Variants in TENM4 observed in about 807,000 individuals in gnomAD.
The protein encoded by TENM4 is teneurin transmembrane protein 4, also known as teneurin-4.
Under a neutral mutation model 243.3 loss-of-function variants are expected in TENM4, and 82 were observed. The observed-to-expected ratio is 0.34, with a 90% CI of 0.28 to 0.40. TENM4 has a LOEUF of 0.40. Among genes scored for constraint, TENM4 ranks in the 10% least tolerant of loss-of-function variants. The pLI is 1.00. For synonymous variants in TENM4, 1,412 were observed against 1,456.3 expected (o/e 0.97, Z 0.69); for missense variants, 3,138 against 3,673.3 (o/e 0.85, Z 3.77).
At position 78,971,164 on chromosome 11, in the gene TENM4, T is replaced by C. The variant is rs1448857105; in HGVS notation, c.494-67641A>G. ...TCAGCCTCCCGAGTAGTCGGGATCA[T>C]AGGTGTGAGCCAAGTTCTTTTTACA... is the stretch of plus-strand genomic sequence containing the variant. On this transcript the variant is annotated intron_variant, in intron 6 of 33. Coordinates refer to ENST00000278550, the MANE Select transcript of TENM4 (RefSeq NM_001098816.3). Among the ~76,000 whole-genome samples, 4 of 151,802 alleles carry C rather than the reference T, an allele frequency of 2.6e-5. No homozygotes were observed. The East Asian group carries it at 5.8e-4, about 22-fold the overall frequency.
chr11:79,045,796 C>T (rs1479209811), intron 6 of TENM4, among the ~76,000 whole-genome samples: 1 of 151,990 alleles, frequency 6.6e-6, no homozygotes, highest in Admixed American at 6.5e-5. Flanking sequence ...AAAGACTTCA[C>T]CTTTGCCTGC....
chr11:79,194,575 A>G lies in TENM4; in HGVS notation c.-163+21233T>C, dbSNP rs114713575. On this transcript the variant is annotated intron_variant, in intron 3 of 33. Transcript: ENST00000278550. The stretch of plus-strand genomic sequence containing the variant: ...ACTGTTGTTATGTTTTGGCAAAGAC[A>G]CTGGAATCATATTGCCCCTGCCCTA... 2.4e-3 allele frequency among the ~76,000 whole-genome samples: 365 copies of G among 152,282 alleles called. 1 individual carries two copies. Among genetic ancestry groups the G allele is most frequent in the African/African-American group, 8.1e-3 (338 of 41,562 alleles).
intron 2 of TENM4, among the ~76,000 whole-genome samples, chr11:79,225,472 C>T (rs936114875): frequency 2.0e-5 from 3 of 152,108 alleles, no homozygotes; most frequent in Non-Finnish European, 4.4e-5. Flanking sequence ...GAGTGTGGTG[C>T]CATGATCTTA....
At chr11:79,222,271 T>A (rs1239999189) in intron 2 of TENM4, among the ~76,000 whole-genome samples, 1 of 152,208 alleles carries the variant, frequency 6.6e-6, no homozygotes, top group Non-Finnish European at 1.5e-5. Flanking sequence ...TTTCTGTTCC[T>A]GTGTTAGTTT....
At chr11:79,318,151 T>C (rs995317082) in intron 1 of TENM4, among the ~76,000 whole-genome samples, 3 of 152,176 alleles carry the variant, frequency 2.0e-5, no homozygotes, top group Admixed American at 2.0e-4. Flanking sequence ...TTAAAAATCT[T>C]GATCTGAATA....
At chr11:79,355,933 T>C (rs899911633) in intron 1 of TENM4, among the ~76,000 whole-genome samples, 5 of 152,212 alleles carry the variant, frequency 3.3e-5, no homozygotes, top group Non-Finnish European at 7.3e-5. Context: ...ACTCTGATCT[T>C]CTTATGGGAG....
At chr11:78,938,932 C>G (rs1455888817) in intron 6 of TENM4, among the ~76,000 whole-genome samples, 1 of 152,158 alleles carries the variant, frequency 6.6e-6, no homozygotes, top group African/African-American at 2.4e-5. Context: ...ACTAACGAAG[C>G]CCAGAAATTG....
intron 3 of TENM4, among the ~76,000 whole-genome samples, chr11:79,214,239 C>A (rs1864007021): frequency 6.6e-6 from 1 of 152,170 alleles, no homozygotes; most frequent in Non-Finnish European, 1.5e-5. Context: ...AAGTGATCTA[C>A]CCGCCTTGGC....
intron 6 of TENM4, among the ~76,000 whole-genome samples, chr11:79,056,364 G>A (rs1357148647): frequency 6.6e-6 from 1 of 152,048 alleles, no homozygotes; most frequent in Non-Finnish European, 1.5e-5. Flanking sequence ...GTGCTGTTGT[G>A]TTAGTATGTG....
intron 5 of TENM4, 62 bp from the exon 6 acceptor site, chr11:79,065,069 C>T: frequency 7.0e-7 from 1 of 1,430,250 alleles, no homozygotes; most frequent in Non-Finnish European, 9.2e-7. Context: ...TCTGCCTCTG[C>T]CTGAAGCCTG....
In TENM4 at chr11:78,854,092, T is replaced by G; in HGVS notation, c.1681+12A>C. Reference sequence around the variant, plus strand: ...AATATCCCACAGCCCCCAGAGGGTGTGGCTCCCTTACCAATGGCAGTGGTG... The same window carrying G: ...AATATCCCACAGCCCCCAGAGGGTGGGGCTCCCTTACCAATGGCAGTGGTG... On this transcript the variant is annotated intron_variant, in intron 12 of 33. Coordinates refer to ENST00000278550, the MANE Select transcript of TENM4 (RefSeq NM_001098816.3). The G allele has an allele frequency of 6.4e-7, 1 of 1,550,416 alleles. No individual in the cohort carries two copies. Among genetic ancestry groups the G allele is most frequent in the South Asian group, 1.2e-5 (1 of 83,838 alleles).
chr11:78,941,665 C>T (rs374734038), intron 6 of TENM4, among the ~76,000 whole-genome samples: 63 of 152,100 alleles, frequency 4.1e-4, no homozygotes, highest in Middle Eastern at 6.8e-3. Context: ...GAACAGGAAC[C>T]CCTTGGCTCT....
At chr11:79,117,412 G>C (rs980716418) in intron 4 of TENM4, among the ~76,000 whole-genome samples, 1 of 152,144 alleles carries the variant, frequency 6.6e-6, no homozygotes, top group Non-Finnish European at 1.5e-5. Flanking sequence ...TCTAGAAGAG[G>C]CTGTCCTTTA....
At chr11:79,240,591 C>T (rs1458048519) in intron 2 of TENM4, among the ~76,000 whole-genome samples, 1 of 152,070 alleles carries the variant, frequency 6.6e-6, no homozygotes, top group Non-Finnish European at 1.5e-5. Context: ...ATTTAGTAAC[C>T]AGGTTACTAG....
At chr11:79,409,142 G>C (rs1249819295) in intron 1 of TENM4, among the ~76,000 whole-genome samples, 1 of 150,746 alleles carries the variant, frequency 6.6e-6, no homozygotes, top group African/African-American at 2.4e-5. Context: ...ACATGCGTGA[G>C]AGTTAGTGGT....
intron 3 of TENM4, among the ~76,000 whole-genome samples, chr11:79,151,236 A>C (rs928124549): frequency 1.3e-5 from 2 of 152,196 alleles, no homozygotes; most frequent in Non-Finnish European, 2.9e-5. Context: ...TCTTCCCACA[A>C]AGCTATTAGC....
intron 3 of TENM4, among the ~76,000 whole-genome samples, chr11:79,161,199 GTT>G (rs1862739647): frequency 6.6e-6 from 1 of 152,202 alleles, no homozygotes; most frequent in Non-Finnish European, 1.5e-5. Flanking sequence ...TCTGATCTCT[GTT>G]AAAGCAGCCA....
intron 1 of TENM4, among the ~76,000 whole-genome samples, chr11:79,330,253 T>C (rs567733216): frequency 6.6e-6 from 1 of 152,324 alleles, no homozygotes; most frequent in South Asian, 2.1e-4. Flanking sequence ...GTAGACTTGA[T>C]AAGCCTTGCT....
intron 1 of TENM4, among the ~76,000 whole-genome samples, chr11:79,437,582 G>A (rs959455973): frequency 6.6e-6 from 1 of 152,238 alleles, no homozygotes; most frequent in African/African-American, 2.4e-5. Flanking sequence ...AGTTGGCGGC[G>A]TCCCGCGGAC....
Sources: allele counts gnomAD v4.1 joint callset (sites outside exome capture counted in the v4.1 genomes callset), GRCh38; gene constraint gnomAD v4.1.1; transcripts MANE v1.5; gene names NCBI Gene and HGNC (gene_info 2026-07-23, HGNC 2026-07-21).